Variants in GNAZ observed in about 807,000 individuals in gnomAD.
The protein encoded by GNAZ is G protein subunit alpha z, also known as guanine nucleotide-binding protein G(z) subunit alpha.
GNAZ carries 3 observed loss-of-function variants against 25.4 expected under a neutral mutation model. The ratio of observed to expected loss-of-function variants is 0.12; its 90% CI spans 0.05 to 0.30. GNAZ has a LOEUF of 0.30. Ranked by LOEUF, GNAZ falls within the 10% of genes least tolerant of loss-of-function variation. GNAZ has a pLI of 1.00. For missense variants in GNAZ, 241 were observed against 501.8 expected (o/e 0.48, Z 4.97); for synonymous variants, 211 against 205.7 (o/e 1.03, Z -0.22).
At chr22:23,083,861 G>A (rs776073729) in intron 1 of GNAZ, among the ~76,000 whole-genome samples, 4 of 152,228 alleles carry the variant, frequency 2.6e-5, no homozygotes, top group Admixed American at 6.5e-5. Context: ...AGTCCACTGG[G>A]GTTCCAGGGA....
intron 2 of GNAZ, among the ~76,000 whole-genome samples, chr22:23,114,019 T>A (rs575599806): frequency 3.9e-5 from 6 of 152,204 alleles, no homozygotes; most frequent in Non-Finnish European, 8.8e-5. Flanking sequence ...CCCAGAGGGG[T>A]GAGAGGCTTG....
chr22:23,094,316 G>A (rs943450063), intron 1 of GNAZ, among the ~76,000 whole-genome samples: 8 of 152,268 alleles, frequency 5.3e-5, no homozygotes, highest in African/African-American at 1.9e-4. Flanking sequence ...CTCGTGTGGG[G>A]AGGCCTGGCC....
Position 23,109,224 on chromosome 22 carries a change from G to A in GNAZ, c.723+12806G>A, listed in dbSNP as rs527565587. ...GCCTCTGGGGTAAGGTAGAGTTCAA[G>A]GAGAACCAAGGCAGCCCAAGTGAGC... On this transcript the variant is annotated intron_variant, in intron 2 of 2. Transcript: ENST00000615612. 2.0e-5 allele frequency among the ~76,000 whole-genome samples: 3 copies of A among 152,306 alleles called. No individual in the cohort carries two copies. The East Asian group carries it at 5.8e-4, about 30-fold the overall frequency.
intron 1 of GNAZ, among the ~76,000 whole-genome samples, chr22:23,090,315 C>T (rs2068935288): frequency 6.6e-6 from 1 of 152,154 alleles, no homozygotes; most frequent in South Asian, 2.1e-4. Context: ...GCCGCCACTC[C>T]ATCACCAGGC....
chr22:23,075,239 T>C (rs1366845883), intron 1 of GNAZ, among the ~76,000 whole-genome samples: 3 of 152,150 alleles, frequency 2.0e-5, no homozygotes, highest in Non-Finnish European at 4.4e-5. Flanking sequence ...TGGGTTGCGT[T>C]GGACTTTCAG....
Position 23,124,225 on chromosome 22 carries a change from T to C in GNAZ, c.*794T>C, listed in dbSNP as rs1044529306. 6.0e-6 allele frequency: 1 copy of C among 165,704 alleles called. No homozygotes were observed. The highest frequency in any genetic ancestry group is 1.4e-5 in the Non-Finnish European group (1 of 71,942). The allele number at this position is 165,704 out of a possible 1,614,324, so 10.3% of individuals were successfully genotyped here. ...TGTTTTGTTTTTTGGTTTTTTTTTTTTTTTGGCCAAATCTCGTGGTGTTTC... is the reference window on the plus strand; with the variant it reads ...TGTTTTGTTTTTTGGTTTTTTTTTTCTTTTGGCCAAATCTCGTGGTGTTTC... On this transcript the variant is annotated 3_prime_UTR_variant, in exon 3 of 3. Transcript: ENST00000615612.
intron 1 of GNAZ, among the ~76,000 whole-genome samples, chr22:23,095,034 A>G (rs934395997): frequency 3.3e-5 from 5 of 152,242 alleles, no homozygotes; most frequent in African/African-American, 1.2e-4. Context: ...ACCTGGCTTC[A>G]GGTGGACTGT....
chr22:23,095,502 G>A lies in GNAZ; in HGVS notation c.-194G>A, dbSNP rs1569172371. 6.4e-6 allele frequency: 4 copies of A among 629,726 alleles called. No homozygotes were observed. Among genetic ancestry groups the A allele is most frequent in the Admixed American group, 3.0e-5 (1 of 33,494 alleles). The allele number at this position is 629,726 out of a possible 1,614,324, so 39.0% of individuals were successfully genotyped here. A position where few individuals can be genotyped will look rare whatever the true frequency, so the allele number is the denominator to read the frequency against. On this transcript the variant is annotated 5_prime_UTR_variant, in exon 2 of 3. Transcript: ENST00000615612. Reference sequence around the variant, plus strand: ...TGGGGAGGGGCGGCCACCGCCCGCTGCACAGAGCGCCATGCCGGCTGGAGA... The same window carrying A: ...TGGGGAGGGGCGGCCACCGCCCGCTACACAGAGCGCCATGCCGGCTGGAGA...
intron 2 of GNAZ, among the ~76,000 whole-genome samples, chr22:23,115,692 C>T (rs2146378300): frequency 6.6e-6 from 1 of 152,328 alleles, no homozygotes; most frequent in South Asian, 2.1e-4. Context: ...GCTGGCCACC[C>T]CTGCAAATGG....
intron 2 of GNAZ, among the ~76,000 whole-genome samples, chr22:23,117,382 A>G (rs141611684): frequency 1.2e-4 from 19 of 152,318 alleles, no homozygotes; most frequent in African/African-American, 4.1e-4. Context: ...GAGCCTCCCA[A>G]AGAGCCAGGC....
chr22:23,112,993 G>T (rs756123394), intron 2 of GNAZ, among the ~76,000 whole-genome samples: 10 of 152,202 alleles, frequency 6.6e-5, no homozygotes, highest in Non-Finnish European at 1.3e-4. Context: ...CAGGTCTGAC[G>T]TGGCCCATTT....
intron 2 of GNAZ, among the ~76,000 whole-genome samples, chr22:23,111,418 T>C (rs920434746): frequency 3.9e-5 from 6 of 152,208 alleles, no homozygotes; most frequent in African/African-American, 1.4e-4. Flanking sequence ...TCTCAAGTGC[T>C]TGGGACAGGG....
chr22:23,079,170 G>A (rs557756015), intron 1 of GNAZ, among the ~76,000 whole-genome samples: 29 of 152,338 alleles, frequency 1.9e-4, no homozygotes, highest in Admixed American at 1.8e-3. Flanking sequence ...AACACTCTAA[G>A]TAAATTATAC....
At chr22:23,120,667 A>G (rs2069992264) in intron 2 of GNAZ, among the ~76,000 whole-genome samples, 1 of 151,444 alleles carries the variant, frequency 6.6e-6, no homozygotes, top group African/African-American at 2.4e-5. Flanking sequence ...TTGTCCCCTC[A>G]CCCTTGAACC....
Position 23,096,247 on chromosome 22 carries a change from C to T in GNAZ, c.552C>T (p.Gly184=), listed in dbSNP as rs1320552380. Residue 184 remains glycine (G), a synonymous_variant, in exon 2 of 3, where the codon GGC becomes GGT. Transcript: ENST00000615612. ...DILRSRDMTT[G]IVENKFTFKE... is the part of the protein sequence containing the mutation. ...TGCGCTCCCGGGACATGACCACGGG[C>T]ATTGTGGAGAACAAGTTCACCTTCA... 1 of 1,613,942 alleles carries T rather than the reference C, an allele frequency of 6.2e-7. No individual in the cohort carries two copies. Among genetic ancestry groups the T allele is most frequent in the East Asian group, 2.2e-5 (1 of 44,886 alleles).
At chr22:23,078,631 C>T (rs547474098) in intron 1 of GNAZ, among the ~76,000 whole-genome samples, 2 of 152,340 alleles carry the variant, frequency 1.3e-5, no homozygotes, top group South Asian at 4.1e-4. Flanking sequence ...ACTGCGGTCC[C>T]CAGGGACCAC....
chr22:23,072,583 C>T (rs901167745), intron 1 of GNAZ, among the ~76,000 whole-genome samples: 4 of 152,170 alleles, frequency 2.6e-5, no homozygotes, highest in Non-Finnish European at 5.9e-5. Context: ...GTGTGCCTAC[C>T]CTCCCCACCC....
rs760567770 is a variant in GNAZ, at chr22:23,123,448, C to T, written c.*17C>T. ...CTTTGCTGAGGAGCTGGGCCCGGGG[C>T]CCGCCTGCCTATGGTGAAACCCACG... is the stretch of plus-strand genomic sequence containing the variant. On this transcript the variant is annotated 3_prime_UTR_variant, in exon 3 of 3. Coordinates refer to ENST00000615612, the MANE Select transcript of GNAZ (RefSeq NM_002073.4). 44 of 1,551,608 alleles carry T rather than the reference C, an allele frequency of 2.8e-5. 1 individual carries two copies. The highest frequency in any genetic ancestry group is 2.4e-4 in the African/African-American group (18 of 73,584).
chr22:23,090,534 G>A (rs1229280183), intron 1 of GNAZ, among the ~76,000 whole-genome samples: 3 of 152,102 alleles, frequency 2.0e-5, no homozygotes, highest in East Asian at 1.9e-4. Flanking sequence ...CTCCTGACTC[G>A]CCCTTAAGTG....
Sources: gnomAD v4.1 joint callset for allele counts (sites outside exome capture counted in the v4.1 genomes callset) on GRCh38, gnomAD v4.1.1 for gene constraint, MANE v1.5 for transcripts, NCBI Gene and HGNC (gene_info 2026-07-23, HGNC 2026-07-21) for gene names.